Variants in ERG observed in about 807,000 individuals in gnomAD.
The protein encoded by ERG is ETS transcription factor ERG, also known as transcriptional regulator ERG.
A neutral mutation model predicts 55.3 loss-of-function variants in ERG; 9 were observed. That is an observed-to-expected ratio of 0.16 (90% CI 0.10 to 0.28). The LOEUF (loss-of-function observed/expected upper bound fraction) is 0.28. Ranked by LOEUF, ERG falls within the 10% of genes least tolerant of loss-of-function variation. ERG has a pLI of 1.00. For missense variants in ERG, 434 were observed against 631.6 expected (o/e 0.69, Z 3.35); for synonymous variants, 223 against 237.3 (o/e 0.94, Z 0.55).
At chr21:38,574,975 G>C (rs2059985901) in intron 2 of ERG, among the ~76,000 whole-genome samples, 2 of 152,116 alleles carry the variant, frequency 1.3e-5, no homozygotes, top group Non-Finnish European at 2.9e-5. Flanking sequence ...TTTCCTCCCT[G>C]TAGCTATTAC....
At chr21:38,426,446 T>C (rs1010405286) in intron 2 of ERG, among the ~76,000 whole-genome samples, 1 of 152,202 alleles carries the variant, frequency 6.6e-6, no homozygotes, top group Non-Finnish European at 1.5e-5. Context: ...AAAAAGACTT[T>C]GCCCAGATGA....
intron 1 of ERG, among the ~76,000 whole-genome samples, chr21:38,450,549 C>G (rs2146568648): frequency 6.6e-6 from 1 of 152,290 alleles, no homozygotes; most frequent in East Asian, 1.9e-4. Flanking sequence ...CAAAACCCTT[C>G]CTTAAATTTC....
intron 9 of ERG, among the ~76,000 whole-genome samples, chr21:38,386,547 A>C (rs1403775016): frequency 1.3e-5 from 2 of 152,348 alleles, no homozygotes; most frequent in Admixed American, 1.3e-4. Flanking sequence ...GCAATTTTTA[A>C]ATTCTTATTT....
intron 2 of ERG, among the ~76,000 whole-genome samples, chr21:38,540,946 C>G (rs4519618): frequency 6.6e-6 from 1 of 152,172 alleles, no homozygotes; most frequent in South Asian, 2.1e-4. Context: ...AGCTTTGGCT[C>G]TGGGTGGAGC....
chr21:38,440,184 AT>A (rs980489582), intron 2 of ERG, among the ~76,000 whole-genome samples: 6 of 152,230 alleles, frequency 3.9e-5, no homozygotes, highest in Non-Finnish European at 8.8e-5. Context: ...AGGAGGGACA[AT>A]TAGAAGAAGC....
intron 1 of ERG, among the ~76,000 whole-genome samples, chr21:38,466,300 G>GGGGTGTGTGTGTGTGTGT (rs1555903683): frequency 9.2e-5 from 13 of 140,604 alleles, no homozygotes; most frequent in African/African-American, 3.4e-4. Context: ...GATGGTCTGG[G>GGGGTGTGTGTGTGTGTGT]GTGTGTGTGT....
intron 1 of ERG, among the ~76,000 whole-genome samples, chr21:38,473,829 C>T (rs563947957): frequency 5.0e-4 from 76 of 151,520 alleles, no homozygotes; most frequent in East Asian, 3.7e-3. Context: ...TGTTTGCGTA[C>T]GTATGCATGT....
chr21:38,446,822 G>C (rs1194243572), intron 1 of ERG, among the ~76,000 whole-genome samples: 1 of 152,128 alleles, frequency 6.6e-6, no homozygotes, highest in Admixed American at 6.5e-5. Flanking sequence ...AGCTAATCTT[G>C]AATGAGCTGG....
intron 2 of ERG, among the ~76,000 whole-genome samples, chr21:38,521,113 G>A (rs1018724924): frequency 3.3e-5 from 5 of 151,970 alleles, no homozygotes; most frequent in Non-Finnish European, 4.4e-5. Context: ...AGAGCCAGCC[G>A]ACAGCACAGA....
chr21:38,583,097 T>C (rs573069882), intron 1 of ERG, among the ~76,000 whole-genome samples: 30 of 152,388 alleles, frequency 2.0e-4, no homozygotes, highest in Middle Eastern at 3.4e-3. Context: ...TTAGTATTCA[T>C]AGGAATGAAT....
intron 1 of ERG, among the ~76,000 whole-genome samples, chr21:38,596,644 G>T (rs944685241): frequency 2.0e-5 from 3 of 152,206 alleles, no homozygotes; most frequent in African/African-American, 7.2e-5. Flanking sequence ...GCTAATATCT[G>T]TTGTAATGCC....
intron 1 of ERG, among the ~76,000 whole-genome samples, chr21:38,653,953 C>T (rs1434133141): frequency 2.0e-5 from 3 of 152,138 alleles, no homozygotes; most frequent in South Asian, 2.1e-4. Flanking sequence ...CAAATGTGCT[C>T]GTAATGTACA....
At chr21:38,594,049 C>CT (rs2060117070) in intron 1 of ERG, among the ~76,000 whole-genome samples, 1 of 152,094 alleles carries the variant, frequency 6.6e-6, no homozygotes, top group Admixed American at 6.5e-5. Context: ...AAAAGGTTTC[C>CT]TTGTGCTCTT....
chr21:38,458,423 C>CAA (rs35307490), intron 1 of ERG, among the ~76,000 whole-genome samples: 4,842 of 83,576 alleles, frequency 0.058, 143 homozygotes, highest in Middle Eastern at 0.15. Context: ...GACTCTGGCT[C>CAA]AAAAAAAAAA....
intron 1 of ERG, among the ~76,000 whole-genome samples, chr21:38,463,574 A>T (rs1414882770): frequency 1.3e-5 from 2 of 152,196 alleles, no homozygotes; most frequent in Non-Finnish European, 2.9e-5. Context: ...TGTCGACTGG[A>T]TGACAGAAGA....
intron 2 of ERG, among the ~76,000 whole-genome samples, chr21:38,542,840 CA>C (rs1261119597): frequency 1.3e-5 from 2 of 152,160 alleles, no homozygotes; most frequent in Non-Finnish European, 2.9e-5. Flanking sequence ...GACATATAAG[CA>C]ATGTCCTGTG....
At position 38,498,271 on chromosome 21, in the gene ERG, C is replaced by A; in HGVS notation, c.18+92G>T. 11 of 1,146,454 alleles carry A rather than the reference C, an allele frequency of 9.6e-6. No individual in the cohort carries two copies. Among genetic ancestry groups the A allele is most frequent in the Non-Finnish European group, 1.4e-5 (11 of 766,824 alleles). 71.0% of individuals were successfully genotyped at this position (1,146,454 alleles called of 1,614,324 possible). Reference sequence around the variant, plus strand: ...TCTATTGTGGCAGTGGGGGTGTTGCCCAACCCTAACTTATCTGCCTTGATA... The same window carrying A: ...TCTATTGTGGCAGTGGGGGTGTTGCACAACCCTAACTTATCTGCCTTGATA... On this transcript the variant is annotated intron_variant, in intron 1 of 9. Transcript: ENST00000288319. This position sits in a 1 kb window ranked among gnomAD's most constrained non-coding sequence, Gnocchi z 4.6.
chr21:38,377,215 A>G (rs1308345241), downstream of ERG, among the ~76,000 whole-genome samples: 1 of 152,264 alleles, frequency 6.6e-6, no homozygotes, highest in Non-Finnish European at 1.5e-5. Flanking sequence ...TTTGGCACTA[A>G]GCTATTATTA....
chr21:38,485,952 G>A, intron 1 of ERG, among the ~76,000 whole-genome samples: 1 of 151,460 alleles, frequency 6.6e-6, no homozygotes, highest in Admixed American at 6.6e-5. Context: ...TTATTATTTT[G>A]AGATGGGGTC....
Sources: gnomAD v4.1 joint callset for allele counts (sites outside exome capture counted in the v4.1 genomes callset) on GRCh38, gnomAD v4.1.1 for gene constraint, Gnocchi (gnomAD v3.1) non-coding constraint, MANE v1.5 for transcripts, NCBI Gene and HGNC (gene_info 2026-07-23, HGNC 2026-07-21) for gene names.